The following PHLDB2 variants were observed in gnomAD, a reference collection of about 807,000 sequenced individuals.
The protein encoded by PHLDB2 is pleckstrin homology-like domain family B member 2.
Under a neutral mutation model 123.6 loss-of-function variants are expected in PHLDB2, and 71 were observed. The ratio of observed to expected loss-of-function variants is 0.57; its 90% confidence interval spans 0.47 to 0.70. The LOEUF is 0.70. Among genes scored for constraint, PHLDB2 ranks in the 30% least tolerant of loss-of-function variants. The pLI, the probability that PHLDB2 is intolerant of heterozygous loss-of-function variation, is 0.00. For missense variants in PHLDB2, 1,446 were observed against 1,519.5 expected (o/e 0.95, Z 0.80); for synonymous variants, 547 against 541.6 (o/e 1.01, Z -0.14).
intron 1 of PHLDB2, among the ~76,000 whole-genome samples, chr3:111,739,797 G>C (rs978890533): frequency 4.6e-5 from 7 of 152,014 alleles, no homozygotes; most frequent in Non-Finnish European, 8.8e-5. Context: ...GTAATGAAGA[G>C]AGGGCATATC....
At chr3:111,739,853 G>GT (rs199750896) in intron 1 of PHLDB2, among the ~76,000 whole-genome samples, 1,813 of 151,440 alleles carry the variant, frequency 0.012, 19 homozygotes, top group African/African-American at 0.02. Flanking sequence ...AAAAAGGCAG[G>GT]TTTTTTTTTA....
At chr3:111,958,313 G>A (rs771827011) in intron 12 of PHLDB2, 4 of 991,288 alleles carry the variant, frequency 4.0e-6, no homozygotes, top group Non-Finnish European at 4.8e-6. Context: ...ATGACAGGCT[G>A]AATTGTTAGA....
At chr3:111,904,374 G>A (rs934640590) in intron 2 of PHLDB2, among the ~76,000 whole-genome samples, 3 of 151,654 alleles carry the variant, frequency 2.0e-5, no homozygotes, top group African/African-American at 7.3e-5. Flanking sequence ...TGAGCCTCCT[G>A]TAGTCCTGAT....
intron 1 of PHLDB2, among the ~76,000 whole-genome samples, chr3:111,861,036 C>A (rs1211649709): frequency 1.3e-5 from 2 of 152,178 alleles, no homozygotes; most frequent in African/African-American, 4.8e-5. Flanking sequence ...TTGAATTCGG[C>A]TGGGAGAGAT....
chr3:111,818,165 G>GTGTGT (rs2062188330), intron 1 of PHLDB2, among the ~76,000 whole-genome samples: 1 of 147,600 alleles, frequency 6.8e-6, no homozygotes, highest in Non-Finnish European at 1.5e-5. Flanking sequence ...TTAAAAAACT[G>GTGTGT]GTGTGTGTGT....
At chr3:111,952,754 C>T in intron 11 of PHLDB2, 42 bp downstream of exon 11, 1 of 1,590,422 alleles carries the variant, frequency 6.3e-7, no homozygotes, top group Non-Finnish European at 8.5e-7. Context: ...TTCCATGAGT[C>T]TTCTTGTCAT....
chr3:111,768,965 G>A (rs1026463567), intron 1 of PHLDB2, among the ~76,000 whole-genome samples: 3 of 152,136 alleles, frequency 2.0e-5, no homozygotes, highest in East Asian at 1.9e-4. Flanking sequence ...GCAATTTCTC[G>A]AGCCTTTAAT....
intron 13 of PHLDB2, 53 bp from the exon 14 acceptor site, chr3:111,966,560 G>A (rs1222822013): frequency 8.1e-7 from 1 of 1,227,732 alleles, no homozygotes; most frequent in Non-Finnish European, 1.2e-6. Flanking sequence ...ATGTATTAGA[G>A]AGACTTCTCA....
intron 12 of PHLDB2, among the ~76,000 whole-genome samples, chr3:111,956,245 G>A (rs1178839075): frequency 6.6e-6 from 1 of 152,072 alleles, no homozygotes; most frequent in African/African-American, 2.4e-5. Context: ...AGAAAAACTA[G>A]AACTTTATAG....
At chr3:111,778,683 A>G (rs1004452632) in intron 1 of PHLDB2, among the ~76,000 whole-genome samples, 1 of 152,118 alleles carries the variant, frequency 6.6e-6, no homozygotes, top group Non-Finnish European at 1.5e-5. Flanking sequence ...CTCATTACAG[A>G]GTCCATAGCC....
chr3:111,734,567 A>G (rs9880633), intron 1 of PHLDB2, among the ~76,000 whole-genome samples: 1 of 152,066 alleles, frequency 6.6e-6, no homozygotes, highest in Non-Finnish European at 1.5e-5. Flanking sequence ...GGGTATGTAC[A>G]GCTTTTTCTT....
chr3:111,974,075 AAAG>A (rs1049086540), intron 17 of PHLDB2, among the ~76,000 whole-genome samples: 3 of 152,212 alleles, frequency 2.0e-5, no homozygotes, highest in Non-Finnish European at 4.4e-5. Flanking sequence ...AGGGTTCTAA[AAAG>A]AAGCTACCAT....
chr3:111,745,341 C>T (rs965177519), intron 1 of PHLDB2, among the ~76,000 whole-genome samples: 1 of 152,100 alleles, frequency 6.6e-6, no homozygotes, highest in African/African-American at 2.4e-5. Flanking sequence ...ATACCAAAAG[C>T]ACTAGAATAT....
rs12487229 is a variant in PHLDB2 at position 111,818,245 on chromosome 3, C to T, written c.-48-27576C>T. 0.022 allele frequency among the ~76,000 whole-genome samples: 3,315 copies of T among 150,862 alleles called. 248 individuals carry two copies. The East Asian group carries it at 0.23, about 11-fold the overall frequency. Reference sequence around the variant, plus strand: ...AAGTATCAAAGAGAAATGTAGTGGCCTTGGAAATGGAGAGATGATAGACCT... The same window carrying T: ...AAGTATCAAAGAGAAATGTAGTGGCTTTGGAAATGGAGAGATGATAGACCT... On this transcript the variant is annotated intron_variant, in intron 1 of 17. Transcript: ENST00000393923.
chr3:111,786,300 T>G (rs1459712287), intron 1 of PHLDB2, among the ~76,000 whole-genome samples: 2 of 152,184 alleles, frequency 1.3e-5, no homozygotes, highest in Non-Finnish European at 2.9e-5. Context: ...TTAGCACAGA[T>G]GCAGTTTTTT....
chr3:111,924,385 C>A (rs750842786), intron 5 of PHLDB2, among the ~76,000 whole-genome samples: 7 of 152,272 alleles, frequency 4.6e-5, no homozygotes, highest in Non-Finnish European at 8.8e-5. Flanking sequence ...ATGTGCCAGG[C>A]AGGATACTGC....
chr3:111,875,359 A>G (rs2065557001), intron 1 of PHLDB2, among the ~76,000 whole-genome samples: 1 of 151,756 alleles, frequency 6.6e-6, no homozygotes, highest in Non-Finnish European at 1.5e-5. Context: ...CATGTTGGTC[A>G]GGCTGGTCTC....
At chr3:111,745,409 A>T (rs1244189405) in intron 1 of PHLDB2, among the ~76,000 whole-genome samples, 2 of 152,248 alleles carry the variant, frequency 1.3e-5, no homozygotes, top group African/African-American at 4.8e-5. Context: ...CTTACCAGCA[A>T]TCCTATGAGG....
intron 2 of PHLDB2, among the ~76,000 whole-genome samples, chr3:111,909,146 A>G (rs568881468): frequency 1.4e-4 from 21 of 152,256 alleles, no homozygotes; most frequent in African/African-American, 5.1e-4. Flanking sequence ...CCACTGTCCC[A>G]GTAGAGCAGA....
Sources: allele counts gnomAD v4.1 joint callset (sites outside exome capture counted in the v4.1 genomes callset), GRCh38; gene constraint gnomAD v4.1.1; transcripts MANE v1.5; gene names NCBI Gene and HGNC (gene_info 2026-07-23, HGNC 2026-07-21).